Variants in WIZ observed in about 807,000 individuals in gnomAD.
The protein encoded by WIZ is protein Wiz.
In WIZ, 25 loss-of-function variants were observed where a neutral mutation model predicts 140.2. That is an observed-to-expected ratio of 0.18 (90% CI 0.13 to 0.25). The LOEUF is 0.25. Among genes scored for constraint, WIZ ranks in the 10% least tolerant of loss-of-function variants. The pLI, the probability that WIZ is intolerant of heterozygous loss-of-function variation, is 1.00. For synonymous variants in WIZ, 1,125 were observed against 1,154.3 expected (o/e 0.97, Z 0.51); for missense variants, 2,231 against 2,632.6 (o/e 0.85, Z 3.34).
chr19:15,429,099 G>A (rs1380286572), intron 7 of WIZ, among the ~76,000 whole-genome samples: 1 of 152,210 alleles, frequency 6.6e-6, no homozygotes, highest in Non-Finnish European at 1.5e-5. Context: ...CCAGGAGGTG[G>A]GGCTTCACCG....
chr19:15,424,289 C>A lies in WIZ; in HGVS notation c.5404G>T (p.Val1802Leu). The change falls in exon 12 of 13, where the codon GTG becomes TTG. Residue 1802 changes from valine (V) to leucine (L), a missense_variant. By Grantham distance (32) the Val-to-Leu change is conservative. This residue lies in a region of WIZ where 299 missense variants were observed against 309.6 expected (regional missense o/e 0.97). Transcript: ENST00000673675. This position sits in a 1 kb window ranked among gnomAD's most constrained non-coding sequence, Gnocchi z 9.7. Reference protein sequence around the residue: ...TNDLQQKLEEVRQPPPRVRPV... With the variant: ...TNDLQQKLEELRQPPPRVRPV... ...CGGACTCGGGGTGGGGGTTGCCGCACCTCCTCCAGCTTCTGCTGTAGGTCA... is the reference window on the plus strand; with the variant it reads ...CGGACTCGGGGTGGGGGTTGCCGCAACTCCTCCAGCTTCTGCTGTAGGTCA... The A allele has an allele frequency of 3.8e-6, 6 of 1,594,530 alleles. No homozygotes were observed. The highest frequency in any genetic ancestry group is 5.1e-6 in the Non-Finnish European group (6 of 1,173,080).
rs534741459 is a variant in WIZ, at chr19:15,443,447, C to G, written c.206-699G>C. On this transcript the variant is annotated intron_variant, in intron 2 of 12. Transcript: ENST00000673675. The stretch of plus-strand genomic sequence containing the variant: ...TCTGCTGGTCTCTCCAACTTCCCCT[C>G]TCTCTCCTGGCCCTTCAATGCCTCC... Among the ~76,000 whole-genome samples the G allele has an allele frequency of 2.6e-5, 4 of 152,306 alleles. No homozygotes were observed. In the South Asian group the frequency reaches 6.2e-4, roughly 24 times the overall value.
At chr19:15,432,925 G>T (rs554799301) in intron 5 of WIZ, among the ~76,000 whole-genome samples, 1 of 151,906 alleles carries the variant, frequency 6.6e-6, no homozygotes, top group Non-Finnish European at 1.5e-5. Context: ...AGCTTGTCGC[G>T]CGCCCTGGCT....
chr19:15,436,843 G>A lies in WIZ; in HGVS notation c.2703C>T (p.Pro901=), dbSNP rs1002466106. The change falls in exon 5 of 13, where the codon CCC becomes CCT. Residue 901 remains proline, a synonymous_variant. Transcript: ENST00000673675. ...PRLPLTVPFP[P]TWAEDPGPAY... ...CTGGCCCAGGGTCCTCAGCCCAGGT[G>A]GGTGGAAAGGGCACCGTGAGAGGTA... 6.2e-7 allele frequency: 1 copy of A among 1,610,672 alleles called. No individual in the cohort carries two copies. Among genetic ancestry groups the A allele is most frequent in the Non-Finnish European group, 8.5e-7 (1 of 1,178,860 alleles).
At chr19:15,444,607 C>T (rs573158326) in intron 2 of WIZ, among the ~76,000 whole-genome samples, 39 of 152,296 alleles carry the variant, frequency 2.6e-4, no homozygotes, top group African/African-American at 7.9e-4. Flanking sequence ...CCAGGATACA[C>T]TGATGGGCAG....
At position 15,424,403 on chromosome 19, in the gene WIZ, A is replaced by G. The variant is rs1474941365; in HGVS notation, c.5315-25T>C. On this transcript the variant is annotated intron_variant, in intron 11 of 12. Transcript: ENST00000673675. This position sits in a 1 kb window ranked among gnomAD's most constrained non-coding sequence, Gnocchi z 9.7. ...TCTAAGGTGGAGAGGGGGACGGGAG[A>G]TGAGTGGGAGGGGTGGATGCTGCAG... The G allele has an allele frequency of 1.3e-6, 2 of 1,594,254 alleles. No individual in the cohort carries two copies. The highest frequency in any genetic ancestry group is 1.7e-6 in the Non-Finnish European group (2 of 1,174,226).
rs1969701706 is a variant in WIZ at position 15,440,519 on chromosome 19, C to T, written c.475G>A (p.Glu159Lys). 1 of 1,536,158 alleles carries T rather than the reference C, an allele frequency of 6.5e-7. No homozygotes were observed. The change falls in exon 4 of 13, where the codon GAG becomes AAG. Residue 159 changes from glutamate to lysine, a missense_variant. By Grantham distance (56) the Glu-to-Lys change is moderately conservative. Around this residue, in one of 15 missense-constraint regions of WIZ, gnomAD observed 307 missense variants for 294.1 expected, o/e 1.04. Transcript: ENST00000673675. This position sits in a 1 kb window ranked among gnomAD's most constrained non-coding sequence, Gnocchi z 6.2. ...TGGTGTAAGAACCTTCTAGAGCCCTCTAGCTCAGCGTGGGGTTTCATGGTT... is the reference window on the plus strand; with the variant it reads ...TGGTGTAAGAACCTTCTAGAGCCCTTTAGCTCAGCGTGGGGTTTCATGGTT... ...VRTMKPHAEL[E>K]GSRRFLHHRG...
At chr19:15,429,480 CACCG>C in intron 7 of WIZ, 102 bp downstream of exon 7, 32 of 1,041,302 alleles carry the variant, frequency 3.1e-5, no homozygotes, top group Non-Finnish European at 3.6e-5. Flanking sequence ...CTGTAGTCCC[CACCG>C]CCCCCACCCA....
In WIZ at chr19:15,424,384, G is replaced by A. The variant is rs546276931; in HGVS notation, c.5315-6C>T. The stretch of plus-strand genomic sequence containing the variant: ...GGCTTGTCGGCGTTCAAATTCTAAG[G>A]TGGAGAGGGGGACGGGAGATGAGTG... On this transcript the variant is annotated splice_polypyrimidine_tract_variant and splice_region_variant and intron_variant, in intron 11 of 12. Coordinates refer to ENST00000673675, the MANE Select transcript of WIZ (RefSeq NM_001371589.1). This position sits in a 1 kb window ranked among gnomAD's most constrained non-coding sequence, Gnocchi z 9.7. 13 of 1,599,934 alleles carry A rather than the reference G, an allele frequency of 8.1e-6. No individual in the cohort carries two copies. In the South Asian group the frequency reaches 1.1e-4, roughly 14 times the overall value.
chr19:15,441,151 C>G (rs992173020), intron 3 of WIZ, among the ~76,000 whole-genome samples: 2 of 152,222 alleles, frequency 1.3e-5, no homozygotes, highest in Non-Finnish European at 2.9e-5. Flanking sequence ...ACCTCTCCCC[C>G]AGATTTGGCG....
intron 2 of WIZ, among the ~76,000 whole-genome samples, chr19:15,445,606 AATGATATGTC>A (rs373061798): frequency 3.6e-3 from 543 of 152,196 alleles, no homozygotes; most frequent in African/African-American, 0.012. Flanking sequence ...AGACAGCAGA[AATGATATGTC>A]ATTTGTCCCT....
chr19:15,440,446 C>T lies in WIZ; in HGVS notation c.548G>A (p.Arg183Lys). 6.5e-7 allele frequency: 1 copy of T among 1,536,110 alleles called. No individual in the cohort carries two copies. ...LLEKHAQGRPRFDWLQDEDEQ... is the reference protein window; with the variant it reads ...LLEKHAQGRPKFDWLQDEDEQ... ...GTCCTCATCTTGGAGCCAGTCGAAC[C>T]TGGGGCGGCCCTGGGCATGTTTCTC... Residue 183 changes from arginine (R) to lysine (K), a missense_variant, in exon 4 of 13, where the codon AGG (arginine) becomes AAG (lysine). Coordinates refer to ENST00000673675, the MANE Select transcript of WIZ (RefSeq NM_001371589.1). The surrounding 1 kb of genome is among the most constrained non-coding windows in gnomAD (Gnocchi z 6.2).
rs950408718 is a variant in WIZ, at chr19:15,438,762, C to T, written c.2232G>A (p.Leu744=). 2 of 1,535,352 alleles carry T rather than the reference C, an allele frequency of 1.3e-6. No homozygotes were observed. Among genetic ancestry groups the T allele is most frequent in the South Asian group, 1.2e-5 (1 of 84,040 alleles). Residue 744 remains leucine (L), a synonymous_variant, in exon 4 of 13, where the codon CTG becomes CTA. Transcript: ENST00000673675. ...AGGGGCATTTCCGCTCCTCGTGCTT[C>T]AGTGCCATGGCCGGATCCCCATCCA... ...TLLDGDPAMA[L]KHEERKCPYC...
chr19:15,444,366 G>T (rs1413443493), intron 2 of WIZ, among the ~76,000 whole-genome samples: 1 of 152,120 alleles, frequency 6.6e-6, no homozygotes, highest in South Asian at 2.1e-4. Flanking sequence ...GGTGGTGGGG[G>T]TATGGAAATT....
chr19:15,439,399 A>G lies in WIZ; in HGVS notation c.1595T>C (p.Leu532Ser), dbSNP rs759199093. 3.9e-6 allele frequency: 6 copies of G among 1,528,558 alleles called. No homozygotes were observed. The highest frequency in any genetic ancestry group is 2.4e-5 in the South Asian group (2 of 83,528). 94.7% of individuals were successfully genotyped at this position (1,528,558 alleles called of 1,614,324 possible). ...AGGGTTCTCCCGCCACATGGGGGCC[A>G]AGGACGGCTCAGCTTTGCCAAAGTA... The part of the protein sequence containing the change: ...VDYFGKAEPS[L>S]APMWRENPAG... The change falls in exon 4 of 13, where the codon TTG becomes TCG. Residue 532 changes from leucine (L) to serine (S), a missense_variant. Leu to Ser is a moderately radical substitution (Grantham distance 145). Around this residue, in one of 15 missense-constraint regions of WIZ, gnomAD observed 475 missense variants for 520.2 expected, o/e 0.91. Transcript: ENST00000673675. The surrounding 1 kb of genome is among the most constrained non-coding windows in gnomAD (Gnocchi z 7.0).
Position 15,438,911 on chromosome 19 carries a change from T to C in WIZ, c.2083A>G (p.Met695Val). The change falls in exon 4 of 13, where the codon ATG becomes GTG. Residue 695 changes from methionine (M) to valine (V), a missense_variant. This residue lies in a region of WIZ where 475 missense variants were observed against 520.2 expected (regional missense o/e 0.91). Coordinates refer to ENST00000673675, the MANE Select transcript of WIZ (RefSeq NM_001371589.1). The part of the protein sequence containing the change: ...VLVAKLGPQV[M>V]AAARVPPRLQ... ...CTTGGGGGCACCCTGGCTGCCGCCATGACCTGCGGCCCCAGCTTCGCCACG... is the reference window on the plus strand; with the variant it reads ...CTTGGGGGCACCCTGGCTGCCGCCACGACCTGCGGCCCCAGCTTCGCCACG... 1 of 1,447,874 alleles carries C rather than the reference T, an allele frequency of 6.9e-7. No homozygotes were observed. The highest frequency in any genetic ancestry group is 9.1e-7 in the Non-Finnish European group (1 of 1,101,694). 89.7% of individuals were successfully genotyped at this position (1,447,874 alleles called of 1,614,324 possible).
intron 1 of WIZ, among the ~76,000 whole-genome samples, chr19:15,448,951 AC>A (rs923172508): frequency 2.2e-5 from 3 of 139,326 alleles, no homozygotes; most frequent in Non-Finnish European, 4.7e-5. Context: ...TAACCCCTTC[AC>A]CCCCCTCCAC....
chr19:15,443,295 C>T (rs1969807933), intron 2 of WIZ, among the ~76,000 whole-genome samples: 2 of 152,236 alleles, frequency 1.3e-5, no homozygotes, highest in Admixed American at 6.5e-5. Flanking sequence ...TGGTCTCAAA[C>T]TCTTGACCTC....
At position 15,424,738 on chromosome 19, in the gene WIZ, C is replaced by T; in HGVS notation, c.5189G>A (p.Gly1730Asp). 1 of 1,568,418 alleles carries T rather than the reference C, an allele frequency of 6.4e-7. No individual in the cohort carries two copies. The highest frequency in any genetic ancestry group is 1.2e-5 in the South Asian group (1 of 86,540). ...CCCTGGCTCCCCTCCGGCACTGCGG[C>T]CGACCACGGCCAGGCCCCCGGGTGC... ...GLAPGGLAVV[G>D]RSAGGEPGPE... is the part of the protein sequence containing the mutation. Residue 1730 changes from glycine to aspartate, a missense_variant, in exon 11 of 13, where the codon GGC becomes GAC. This residue lies in a region of WIZ where 299 missense variants were observed against 309.6 expected (regional missense o/e 0.97). Coordinates refer to ENST00000673675, the MANE Select transcript of WIZ (RefSeq NM_001371589.1). The surrounding 1 kb of genome is among the most constrained non-coding windows in gnomAD (Gnocchi z 9.7).
Sources: allele counts gnomAD v4.1 joint callset (sites outside exome capture counted in the v4.1 genomes callset), GRCh38; gene constraint gnomAD v4.1.1; regional missense constraint gnomAD v4.1.1; non-coding constraint Gnocchi (gnomAD v3.1); transcripts MANE v1.5; gene names NCBI Gene and HGNC (gene_info 2026-07-23, HGNC 2026-07-21).